Variants in TBC1D22A observed in about 807,000 individuals in gnomAD.
TBC1D22A encodes putative GTPase activator.
In TBC1D22A, 38 loss-of-function variants were observed where a neutral mutation model predicts 60.2. The ratio of observed to expected loss-of-function variants is 0.63; its 90% CI spans 0.49 to 0.83. The LOEUF (loss-of-function observed/expected upper bound fraction) is 0.83, where lower values mean the gene tolerates loss of function less well. Ranked by LOEUF, TBC1D22A falls within the 40% of genes least tolerant of loss-of-function variation. TBC1D22A has a pLI of 0.00. For synonymous variants in TBC1D22A, 302 were observed against 281.7 expected, an observed-to-expected ratio of 1.07 and a Z score of -0.72; for missense variants, 628 against 701.0, an observed-to-expected ratio of 0.90 and a Z score of 1.18.
intron 4 of TBC1D22A, among the ~76,000 whole-genome samples, chr22:46,821,674 C>T (rs565922096): frequency 6.6e-6 from 1 of 152,202 alleles, no homozygotes; most frequent in Non-Finnish European, 1.5e-5. Context: ...AACAGTTTTT[C>T]CTTCATTTTG....
chr22:46,799,149 G>C (rs1356696006), intron 4 of TBC1D22A, among the ~76,000 whole-genome samples: 2 of 151,998 alleles, frequency 1.3e-5, no homozygotes, highest in African/African-American at 4.8e-5. Context: ...CCTTTCCACA[G>C]CTCGAGGTGT....
At chr22:47,154,712 G>A (rs1381824776) in intron 12 of TBC1D22A, among the ~76,000 whole-genome samples, 1 of 152,224 alleles carries the variant, frequency 6.6e-6, no homozygotes, top group Non-Finnish European at 1.5e-5. Flanking sequence ...AGTGATGGCG[G>A]CTGCTCTGGG....
chr22:46,875,643 G>C (rs2067523787), intron 4 of TBC1D22A, among the ~76,000 whole-genome samples: 1 of 151,958 alleles, frequency 6.6e-6, no homozygotes, highest in Admixed American at 6.6e-5. Context: ...GTAGAGATGG[G>C]GTTTCACCAT....
At chr22:46,969,877 T>A (rs1426760227) in intron 8 of TBC1D22A, among the ~76,000 whole-genome samples, 2 of 152,194 alleles carry the variant, frequency 1.3e-5, no homozygotes, top group African/African-American at 4.8e-5. Flanking sequence ...ATGTTTATAA[T>A]TAAATGAGAA....
rs1022244374 is a variant in TBC1D22A at position 46,800,480 on chromosome 22, G to T, written c.637+2860G>T. ...GGCTCTCCTGCCTCCAGGGTGGTGT[G>T]GAGATTCAGAACCACGTTGCACCTG... On this transcript the variant is annotated intron_variant, in intron 4 of 12. Transcript: ENST00000337137. Among the ~76,000 whole-genome samples, 36 of 152,140 alleles carry T rather than the reference G, an allele frequency of 2.4e-4. 1 individual carries two copies. The highest frequency in any genetic ancestry group is 2.4e-3 in the Admixed American group (36 of 15,272).
intron 8 of TBC1D22A, among the ~76,000 whole-genome samples, chr22:46,943,540 C>G (rs759235939): frequency 2.3e-4 from 35 of 152,302 alleles, no homozygotes; most frequent in Admixed American, 5.9e-4. Context: ...GGGAATAAAC[C>G]CCTCCTCTCT....
At chr22:47,159,903 C>T (rs1223232341) in intron 12 of TBC1D22A, among the ~76,000 whole-genome samples, 1 of 81,854 alleles carries the variant, frequency 1.2e-5, no homozygotes, top group Non-Finnish European at 2.5e-5. Context: ...ATCCTCCACA[C>T]CACACACATG....
chr22:46,778,905 G>T (rs867538289), intron 1 of TBC1D22A, among the ~76,000 whole-genome samples: 1 of 152,078 alleles, frequency 6.6e-6, no homozygotes, highest in Non-Finnish European at 1.5e-5. Context: ...TTAGCCGGGC[G>T]TGGTGGTGGG....
intron 4 of TBC1D22A, among the ~76,000 whole-genome samples, chr22:46,798,826 C>T (rs2056357806): frequency 1.3e-5 from 2 of 152,212 alleles, no homozygotes; most frequent in African/African-American, 4.8e-5. Context: ...CACGCAGGAG[C>T]CATGCAGGGG....
chr22:46,948,838 C>T (rs575427329), intron 8 of TBC1D22A, among the ~76,000 whole-genome samples: 5 of 152,302 alleles, frequency 3.3e-5, no homozygotes, highest in South Asian at 2.1e-4. Flanking sequence ...AACATGCTAC[C>T]GAAGTCAGAA....
At chr22:46,884,594 A>G (rs1475585716) in intron 5 of TBC1D22A, among the ~76,000 whole-genome samples, 1 of 152,192 alleles carries the variant, frequency 6.6e-6, no homozygotes. Context: ...GCAGCCAGTC[A>G]ACACCCTGGG....
At chr22:46,941,057 A>G (rs947402202) in intron 8 of TBC1D22A, among the ~76,000 whole-genome samples, 1 of 146,460 alleles carries the variant, frequency 6.8e-6, no homozygotes, top group African/African-American at 2.5e-5. Context: ...ACACATATAT[A>G]TGTATATACA....
At chr22:47,129,833 C>G (rs955796111) in intron 12 of TBC1D22A, among the ~76,000 whole-genome samples, 2 of 152,270 alleles carry the variant, frequency 1.3e-5, no homozygotes, top group Admixed American at 1.3e-4. Context: ...CCAGAGGCGC[C>G]GCTCAGCCTT....
At chr22:47,123,413 C>T (rs2147095159) in intron 12 of TBC1D22A, among the ~76,000 whole-genome samples, 1 of 152,334 alleles carries the variant, frequency 6.6e-6, no homozygotes, top group African/African-American at 2.4e-5. Context: ...GCACCCAGTC[C>T]TGATAGACAT....
chr22:47,169,201 G>A (rs2068330881), intron 12 of TBC1D22A, among the ~76,000 whole-genome samples: 2 of 152,222 alleles, frequency 1.3e-5, no homozygotes, highest in African/African-American at 4.8e-5. Context: ...GTGTGAGTCA[G>A]GGCTCCACTT....
intron 4 of TBC1D22A, among the ~76,000 whole-genome samples, chr22:46,850,326 CTG>C (rs148837897): frequency 5.3e-5 from 8 of 151,950 alleles, no homozygotes; most frequent in African/African-American, 1.7e-4. Flanking sequence ...AGCATGGTGG[CTG>C]TGTGTGTGTG....
At chr22:47,000,297 A>G (rs1395271116) in intron 10 of TBC1D22A, among the ~76,000 whole-genome samples, 1 of 151,974 alleles carries the variant, frequency 6.6e-6, no homozygotes, top group Non-Finnish European at 1.5e-5. Context: ...GGTCTTGGGG[A>G]TGGAGGGAAG....
At chr22:46,843,175 C>G (rs965842175) in intron 4 of TBC1D22A, among the ~76,000 whole-genome samples, 19 of 152,196 alleles carry the variant, frequency 1.2e-4, no homozygotes, top group African/African-American at 4.6e-4. Context: ...TTCTGCTGCT[C>G]GCCTTTAGCT....
intron 1 of TBC1D22A, among the ~76,000 whole-genome samples, chr22:46,765,998 TGTGTGTGTA>T (rs1173224580): frequency 2.1e-5 from 3 of 143,878 alleles, no homozygotes; most frequent in African/African-American, 8.0e-5. Context: ...TGTGTGTGTG[TGTGTGTGTA>T]TTTTTTTTGA....
Sources: gnomAD v4.1 joint callset for allele counts (sites outside exome capture counted in the v4.1 genomes callset) on GRCh38, gnomAD v4.1.1 for gene constraint, MANE v1.5 for transcripts, NCBI Gene and HGNC (gene_info 2026-07-23, HGNC 2026-07-21) for gene names.